Variants in WDR64 observed in about 807,000 individuals in gnomAD.
The protein encoded by WDR64 is WD repeat domain 64.
WDR64 carries 112 observed loss-of-function variants against 139.3 expected under a neutral mutation model. That is an observed-to-expected ratio of 0.80 (90% CI 0.69 to 0.94). The LOEUF (loss-of-function observed/expected upper bound fraction) is 0.94. Among genes scored for constraint, WDR64 ranks in the 40% least tolerant of loss-of-function variants. WDR64 has a pLI of 0.00. For synonymous variants in WDR64, 444 were observed against 437.7 expected, an observed-to-expected ratio of 1.01 and a Z score of -0.18; for missense variants, 1,206 against 1,293.1, an observed-to-expected ratio of 0.93 and a Z score of 1.03.
chr1:241,682,749 A>G (rs575537714), intron 6 of WDR64, among the ~76,000 whole-genome samples: 55 of 152,302 alleles, frequency 3.6e-4, no homozygotes, highest in Non-Finnish European at 5.4e-4. Flanking sequence ...ATCAAATGTT[A>G]CTTTCTCTGG....
In WDR64 at chr1:241,766,212, C is replaced by T. The variant is rs760846614; in HGVS notation, c.1948-6C>T. On this transcript the variant is annotated splice_region_variant and splice_polypyrimidine_tract_variant and intron_variant, in intron 15 of 27. Coordinates refer to ENST00000437684, the MANE Select transcript of WDR64 (RefSeq NM_001367482.1). ...TTTATGGTGTTCTGTTTCCTTCGTT[C>T]TTCAGAATCCCACCATGGATTTATT... 6 of 1,613,028 alleles carry T rather than the reference C, an allele frequency of 3.7e-6. 1 individual carries two copies. In the South Asian group the frequency reaches 4.4e-5, roughly 12 times the overall value.
chr1:241,699,127 G>A (rs1337567356), intron 8 of WDR64, among the ~76,000 whole-genome samples: 1 of 152,278 alleles, frequency 6.6e-6, no homozygotes, highest in South Asian at 2.1e-4. Flanking sequence ...GACATGTGAG[G>A]ATTATGGGAG....
At chr1:241,701,497 A>C (rs1189706545) in intron 8 of WDR64, among the ~76,000 whole-genome samples, 1 of 152,210 alleles carries the variant, frequency 6.6e-6, no homozygotes, top group African/African-American at 2.4e-5. Context: ...TACTTTTCTG[A>C]TTAACCAGTG....
chr1:241,735,135 T>A (rs1669247628), intron 10 of WDR64, among the ~76,000 whole-genome samples: 1 of 152,226 alleles, frequency 6.6e-6, no homozygotes, highest in Non-Finnish European at 1.5e-5. Context: ...ATGTTTTATA[T>A]AATATTTATA....
At chr1:241,666,979 T>C (rs1007232366) in intron 2 of WDR64, among the ~76,000 whole-genome samples, 5 of 152,212 alleles carry the variant, frequency 3.3e-5, no homozygotes, top group African/African-American at 4.8e-5. Flanking sequence ...CTTCCTTGCA[T>C]AGGACATTGC....
chr1:241,707,944 A>G (rs1233046876), intron 8 of WDR64, among the ~76,000 whole-genome samples: 1 of 148,292 alleles, frequency 6.7e-6, no homozygotes, highest in Non-Finnish European at 1.5e-5. Context: ...CGTCCACAGT[A>G]TATTCTAAGT....
intron 8 of WDR64, among the ~76,000 whole-genome samples, chr1:241,707,472 T>G (rs1357101190): frequency 1.3e-5 from 2 of 152,204 alleles, no homozygotes; most frequent in African/African-American, 4.8e-5. Context: ...TCAAACATAT[T>G]ACAAGCCTAA....
chr1:241,718,213 T>C (rs1668473356), intron 9 of WDR64, among the ~76,000 whole-genome samples: 1 of 152,156 alleles, frequency 6.6e-6, no homozygotes, highest in Non-Finnish European at 1.5e-5. Context: ...ACTACTAGGC[T>C]CACCAGATAA....
chr1:241,708,210 A>T (rs1668026897), intron 8 of WDR64, among the ~76,000 whole-genome samples: 1 of 152,170 alleles, frequency 6.6e-6, no homozygotes, highest in African/African-American at 2.4e-5. Context: ...TTTCCTTTAA[A>T]TTATTATCTC....
intron 10 of WDR64, among the ~76,000 whole-genome samples, chr1:241,731,690 C>T (rs1269903062): frequency 6.6e-6 from 1 of 152,046 alleles, no homozygotes; most frequent in Non-Finnish European, 1.5e-5. Flanking sequence ...AATCTGTGTA[C>T]TAGGTACATT....
chr1:241,699,664 A>T (rs1667633733), intron 8 of WDR64, among the ~76,000 whole-genome samples: 1 of 152,204 alleles, frequency 6.6e-6, no homozygotes, highest in Non-Finnish European at 1.5e-5. Flanking sequence ...TTAGTCAGGC[A>T]AAACAACTGA....
chr1:241,739,058 C>T (rs1026074377), intron 11 of WDR64, among the ~76,000 whole-genome samples: 1 of 152,166 alleles, frequency 6.6e-6, no homozygotes, highest in Admixed American at 6.5e-5. Flanking sequence ...AGTCACTACT[C>T]AGTAGGAAAA....
intron 10 of WDR64, among the ~76,000 whole-genome samples, chr1:241,725,814 C>T (rs376522985): frequency 2.0e-5 from 3 of 151,978 alleles, no homozygotes; most frequent in African/African-American, 7.2e-5. Context: ...TTCACTATCC[C>T]CCCACTCCAA....
In WDR64 at chr1:241,652,663, G is replaced by A. The variant is rs1242549338; in HGVS notation, c.145+34G>A. 4.5e-6 allele frequency: 7 copies of A among 1,547,228 alleles called. No homozygotes were observed. In the Admixed American group the frequency reaches 8.0e-5, roughly 18 times the overall value. ...AGTGATTACACGATAGTCCAATTGG[G>A]TCTGTTGGTTAGAACTGGAAAATGT... On this transcript the variant is annotated intron_variant, in intron 1 of 27. Transcript: ENST00000437684.
intron 2 of WDR64, among the ~76,000 whole-genome samples, chr1:241,661,831 G>A (rs1665843670): frequency 6.6e-6 from 1 of 152,188 alleles, no homozygotes; most frequent in South Asian, 2.1e-4. Flanking sequence ...GGCCAAATCT[G>A]GATAGACAGC....
intron 3 of WDR64, among the ~76,000 whole-genome samples, chr1:241,672,106 T>C (rs889842292): frequency 2.0e-5 from 3 of 151,818 alleles, no homozygotes; most frequent in Admixed American, 1.3e-4. Flanking sequence ...ACTCCAGAGG[T>C]GGAGATTGCA....
chr1:241,771,734 C>G (rs1449279502), intron 19 of WDR64, 37 bp downstream of exon 19: 1 of 1,383,408 alleles, frequency 7.2e-7, no homozygotes, highest in South Asian at 1.9e-5. Context: ...TATAATAAAG[C>G]AACTCCTTTG....
rs556656915 is a variant in WDR64 at position 241,716,471 on chromosome 1, T to C, written c.1054+4590T>C. ...CACAATTACCTCCCAAAAAGATATT[T>C]TGGGGGCTCTGCATGCATTTTTTTC... On this transcript the variant is annotated intron_variant, in intron 9 of 27. Coordinates refer to ENST00000437684, the MANE Select transcript of WDR64 (RefSeq NM_001367482.1). Among the ~76,000 whole-genome samples, 4 of 152,230 alleles carry C rather than the reference T, an allele frequency of 2.6e-5. No homozygotes were observed. The East Asian group carries it at 5.8e-4, about 22-fold the overall frequency.
chr1:241,660,774 G>A, intron 2 of WDR64, 114 bp downstream of exon 2: 1 of 1,198,152 alleles, frequency 8.3e-7, no homozygotes, highest in Non-Finnish European at 1.2e-6. Context: ...ACGTGCATGT[G>A]TCAGTTTCAA....
Sources: gnomAD v4.1 joint callset for allele counts (sites outside exome capture counted in the v4.1 genomes callset) on GRCh38, gnomAD v4.1.1 for gene constraint, MANE v1.5 for transcripts, NCBI Gene and HGNC (gene_info 2026-07-23, HGNC 2026-07-21) for gene names.